Variants in UPP2 observed in about 807,000 individuals in gnomAD.
UPP2 encodes the protein UPase 2.
In UPP2, 23 loss-of-function variants were observed where a neutral mutation model predicts 26.7. The observed-to-expected ratio is 0.86, with a 90% CI of 0.62 to 1.22. The LOEUF is 1.22. Ranked by LOEUF, UPP2 falls within the 50% of genes most tolerant of loss-of-function variation. UPP2 has a pLI of 0.00. For missense variants in UPP2, 387 were observed against 396.7 expected (o/e 0.98, Z 0.21); for synonymous variants, 127 against 141.3 (o/e 0.90, Z 0.72).
intron 3 of UPP2, among the ~76,000 whole-genome samples, chr2:158,095,870 C>T (rs1304552568): frequency 6.6e-6 from 1 of 152,002 alleles, no homozygotes; most frequent in Non-Finnish European, 1.5e-5. Flanking sequence ...AAAGCTTTTA[C>T]ATTTTATTCC....
intron 3 of UPP2, among the ~76,000 whole-genome samples, chr2:158,078,518 A>G (rs925727552): frequency 6.6e-6 from 1 of 152,170 alleles, no homozygotes; most frequent in African/African-American, 2.4e-5. Flanking sequence ...ATTGAGTGAA[A>G]TAAGCCAGGC....
intron 2 of UPP2, among the ~76,000 whole-genome samples, chr2:158,110,426 C>T (rs996680189): frequency 5.9e-5 from 9 of 152,134 alleles, no homozygotes; most frequent in Non-Finnish European, 1.3e-4. Flanking sequence ...CAGGTCTTTG[C>T]TATTGTGAGT....
At chr2:158,071,499 C>A (rs1682539164) in intron 3 of UPP2, among the ~76,000 whole-genome samples, 1 of 136,324 alleles carries the variant, frequency 7.3e-6, no homozygotes, top group Admixed American at 8.2e-5. Flanking sequence ...TGCAGTGAAC[C>A]TAGATCATGG....
rs552451848 is a variant in UPP2, at chr2:158,121,284, T to A, written c.455-125T>A. 891 of 846,072 alleles carry A rather than the reference T, an allele frequency of 1.1e-3. 11 individuals carry two copies. The highest frequency in any genetic ancestry group is 2.7e-4 in the Non-Finnish European group (140 of 522,770). 52.4% of individuals were successfully genotyped at this position (846,072 alleles called of 1,614,324 possible). On this transcript the variant is annotated intron_variant, in intron 4 of 6. Transcript: ENST00000005756. ...TAATTGCATTTGGAAAAGAAAATAA[T>A]TTTAAAGTTGAAAACAGGGAGACTC...
chr2:158,024,175 T>C (rs1683799584), intron 3 of UPP2, among the ~76,000 whole-genome samples: 1 of 152,146 alleles, frequency 6.6e-6, no homozygotes, highest in Non-Finnish European at 1.5e-5. Flanking sequence ...AGGGATCCCC[T>C]GGAGCATATT....
chr2:158,027,685 C>T (rs902228225), intron 3 of UPP2, among the ~76,000 whole-genome samples: 4 of 152,160 alleles, frequency 2.6e-5, no homozygotes, highest in Non-Finnish European at 4.4e-5. Context: ...GGATCTGACC[C>T]CACATTTCCC....
chr2:158,098,423 G>C (rs554124120), upstream of UPP2, among the ~76,000 whole-genome samples: 31 of 152,256 alleles, frequency 2.0e-4, no homozygotes, highest in African/African-American at 7.5e-4. Context: ...AAGATGGTGA[G>C]GGGGAGGGCC....
At chr2:158,106,930 A>T (rs1202078112) in intron 2 of UPP2, among the ~76,000 whole-genome samples, 5 of 152,228 alleles carry the variant, frequency 3.3e-5, no homozygotes, top group Admixed American at 3.3e-4. Context: ...GTAATTATAT[A>T]ACTGCATTCT....
chr2:158,026,675 G>A (rs181391121), intron 3 of UPP2, among the ~76,000 whole-genome samples: 1 of 152,276 alleles, frequency 6.6e-6, no homozygotes, highest in African/African-American at 2.4e-5. Flanking sequence ...GTTCAAACCT[G>A]CTGACTGCCA....
At chr2:158,123,712 G>C (rs758083398) in intron 5 of UPP2, 37 bp from the exon 6 acceptor site, 3 of 1,601,296 alleles carry the variant, frequency 1.9e-6, no homozygotes, top group Non-Finnish European at 2.6e-6. Context: ...AGTGGGGTGG[G>C]ACATCAAGTC....
intron 3 of UPP2, among the ~76,000 whole-genome samples, chr2:158,095,831 G>A (rs1212297251): frequency 1.3e-5 from 2 of 151,652 alleles, no homozygotes; most frequent in Non-Finnish European, 2.9e-5. Context: ...TCTATTCTGA[G>A]TTGAATGTGG....
At chr2:158,095,542 ATGGTTTTGTGGC>A (rs1682972266) in intron 3 of UPP2, among the ~76,000 whole-genome samples, 1 of 152,164 alleles carries the variant, frequency 6.6e-6, no homozygotes, top group Non-Finnish European at 1.5e-5. Flanking sequence ...AAGAGTTTTC[ATGGTTTTGTGGC>A]TGCACAGATC....
At chr2:158,124,046 T>C in intron 6 of UPP2, 151 bp downstream of exon 6, 2 of 829,922 alleles carry the variant, frequency 2.4e-6, no homozygotes, top group Non-Finnish European at 3.5e-6. Context: ...TCTCATAATA[T>C]CTTGTGAGTG....
intron 4 of UPP2, among the ~76,000 whole-genome samples, chr2:158,119,494 T>A (rs1388329830): frequency 6.6e-6 from 1 of 152,022 alleles, no homozygotes; most frequent in Non-Finnish European, 1.5e-5. Context: ...GCTCACATGA[T>A]CCCTTCCTAC....
At chr2:158,057,567 C>T (rs1346169246) in intron 3 of UPP2, among the ~76,000 whole-genome samples, 1 of 76,304 alleles carries the variant, frequency 1.3e-5, no homozygotes, top group Non-Finnish European at 2.7e-5. Context: ...ATCTACCCCA[C>T]ACCAAGTTTT....
At chr2:158,105,731 C>T (rs1210821548) in intron 1 of UPP2, among the ~76,000 whole-genome samples, 5 of 152,160 alleles carry the variant, frequency 3.3e-5, no homozygotes, top group East Asian at 3.9e-4. Context: ...ATTAGATGAC[C>T]GTTACAGTCA....
intron 3 of UPP2, among the ~76,000 whole-genome samples, chr2:158,048,523 G>A (rs1280497567): frequency 6.6e-6 from 1 of 152,182 alleles, no homozygotes; most frequent in African/African-American, 2.4e-5. Context: ...AGGATTGTTC[G>A]AGCCCAAGAA....
chr2:158,055,941 C>T (rs767324066), intron 3 of UPP2, among the ~76,000 whole-genome samples: 20 of 152,152 alleles, frequency 1.3e-4, no homozygotes, highest in Non-Finnish European at 1.2e-4. Context: ...TGGCACATTT[C>T]CTGGCATACA....
chr2:158,107,599 G>C (rs1449611854), intron 2 of UPP2, among the ~76,000 whole-genome samples: 1 of 152,160 alleles, frequency 6.6e-6, no homozygotes. Flanking sequence ...GAGAAAAGGG[G>C]AGGAGGAAGA....
Sources: gnomAD v4.1 joint callset for allele counts (sites outside exome capture counted in the v4.1 genomes callset) on GRCh38, gnomAD v4.1.1 for gene constraint, MANE v1.5 for transcripts, NCBI Gene and HGNC (gene_info 2026-07-23, HGNC 2026-07-21) for gene names.